The following GPC5 variants were observed in gnomAD, a reference collection of about 807,000 sequenced individuals.
The protein encoded by GPC5 is glypican-5.
GPC5 carries 47 observed loss-of-function variants against 53.9 expected under a neutral mutation model. That is an observed-to-expected ratio of 0.87 (90% confidence interval 0.69 to 1.11). The LOEUF (loss-of-function observed/expected upper bound fraction) is 1.11. Among genes scored for constraint, GPC5 ranks in the 50% most tolerant of loss-of-function variants. The probability of loss-of-function intolerance (pLI) is 0.00; values close to 1 mark genes in which losing one functional copy is unlikely to be tolerated. For missense variants in GPC5, 748 were observed against 713.1 expected (o/e 1.05, Z -0.56); for synonymous variants, 286 against 263.3 (o/e 1.09, Z -0.84).
chr13:91,497,372 C>G (rs1884330586), intron 2 of GPC5, among the ~76,000 whole-genome samples: 1 of 152,064 alleles, frequency 6.6e-6, no homozygotes, highest in Non-Finnish European at 1.5e-5. Context: ...TTAATCTGGA[C>G]TAGCAACTTT....
At chr13:91,645,590 A>G (rs994827942) in intron 2 of GPC5, among the ~76,000 whole-genome samples, 3 of 152,152 alleles carry the variant, frequency 2.0e-5, no homozygotes, top group African/African-American at 7.2e-5. Context: ...AATGACTACA[A>G]ATTTACGTAA....
chr13:91,851,493 C>A (rs926784586), intron 5 of GPC5, among the ~76,000 whole-genome samples: 1 of 147,652 alleles, frequency 6.8e-6, no homozygotes, highest in African/African-American at 2.6e-5. Context: ...ATTTAGAATA[C>A]GTTTTCTTTT....
chr13:92,705,453 C>G (rs1343902029), intron 7 of GPC5, among the ~76,000 whole-genome samples: 2 of 151,948 alleles, frequency 1.3e-5, no homozygotes, highest in Non-Finnish European at 2.9e-5. Flanking sequence ...TGAAATGTAG[C>G]TATTCCATAT....
At chr13:92,610,149 C>G (rs759862174) in intron 7 of GPC5, among the ~76,000 whole-genome samples, 2 of 150,566 alleles carry the variant, frequency 1.3e-5, no homozygotes, top group African/African-American at 2.4e-5. Context: ...GAACTTTGAA[C>G]TGACTATAAT....
chr13:91,926,963 T>C (rs1395323561), intron 6 of GPC5, among the ~76,000 whole-genome samples: 1 of 152,212 alleles, frequency 6.6e-6, no homozygotes, highest in Non-Finnish European at 1.5e-5. Context: ...GAAAACTTTA[T>C]GTTAGAATTT....
intron 6 of GPC5, among the ~76,000 whole-genome samples, chr13:92,139,815 G>GA (rs1288765243): frequency 6.6e-6 from 1 of 152,080 alleles, no homozygotes; most frequent in Non-Finnish European, 1.5e-5. Context: ...TCAGAGAAGA[G>GA]AAAACACTAT....
rs565291158 is a variant in GPC5 at position 91,977,426 on chromosome 13, A to AT, written c.1401+69375dup. On this transcript the variant is annotated intron_variant, in intron 6 of 7. Coordinates refer to ENST00000377067, the MANE Select transcript of GPC5 (RefSeq NM_004466.6). ...TTGAAGACACCCTTTTTAGACAGAT[A>AT]TTTTTTCAGCTCTGTATCTATTTTA... is the stretch of plus-strand genomic sequence containing the variant. 3.9e-5 allele frequency among the ~76,000 whole-genome samples: 6 copies of AT among 152,252 alleles called. No individual in the cohort carries two copies. The South Asian group carries it at 8.3e-4, about 21-fold the overall frequency.
In GPC5 at chr13:91,984,072, C is replaced by T. The variant is rs1594705733; in HGVS notation, c.1401+76015C>T. ...CTAGATTTGTGCTCCACCCGAACAA[C>T]ATATTTGTCAAAGTAATTTCTCTTA... On this transcript the variant is annotated intron_variant, in intron 6 of 7. Coordinates refer to ENST00000377067, the MANE Select transcript of GPC5 (RefSeq NM_004466.6). Among the ~76,000 whole-genome samples the T allele has an allele frequency of 2.6e-5, 4 of 152,226 alleles. No homozygotes were observed. In the South Asian group the frequency reaches 8.3e-4, roughly 32 times the overall value.
chr13:91,524,175 A>G (rs1267242406), intron 2 of GPC5, among the ~76,000 whole-genome samples: 1 of 152,090 alleles, frequency 6.6e-6, no homozygotes, highest in East Asian at 1.9e-4. Flanking sequence ...CAACATTTTG[A>G]CAACAAGGAA....
chr13:91,737,754 G>C (rs562846899), intron 4 of GPC5, among the ~76,000 whole-genome samples: 1 of 151,448 alleles, frequency 6.6e-6, no homozygotes, highest in East Asian at 1.9e-4. Flanking sequence ...GACAGAGGAA[G>C]AATTTAATTT....
At chr13:92,436,716 T>A (rs1287419056) in intron 7 of GPC5, among the ~76,000 whole-genome samples, 1 of 152,140 alleles carries the variant, frequency 6.6e-6, no homozygotes, top group Non-Finnish European at 1.5e-5. Context: ...AGTATTTAAT[T>A]CATATTATTA....
At chr13:91,602,252 T>G (rs1343078593) in intron 2 of GPC5, among the ~76,000 whole-genome samples, 7 of 152,226 alleles carry the variant, frequency 4.6e-5, no homozygotes, top group Non-Finnish European at 1.0e-4. Context: ...TTAGCTAATT[T>G]GTTATAGCAG....
chr13:91,702,558 A>G (rs565289509), intron 3 of GPC5, among the ~76,000 whole-genome samples: 1 of 152,128 alleles, frequency 6.6e-6, no homozygotes, highest in South Asian at 2.1e-4. Context: ...ACTTTGTAGT[A>G]TATTTTGAAG....
chr13:92,411,386 AGAT>A (rs1179592754), intron 7 of GPC5, among the ~76,000 whole-genome samples: 10 of 152,254 alleles, frequency 6.6e-5, no homozygotes, highest in Admixed American at 6.5e-4. Flanking sequence ...AAACATTTGC[AGAT>A]GATATTACTT....
intron 6 of GPC5, among the ~76,000 whole-genome samples, chr13:92,122,485 C>T (rs1460202355): frequency 1.3e-5 from 2 of 151,738 alleles, no homozygotes; most frequent in South Asian, 2.1e-4. Flanking sequence ...CTTATCCTAA[C>T]GCCTTAGAAC....
chr13:92,021,105 A>G (rs2040754280), intron 6 of GPC5, among the ~76,000 whole-genome samples: 1 of 152,184 alleles, frequency 6.6e-6, no homozygotes. Flanking sequence ...TAAAACTACC[A>G]TATGATCCAG....
At chr13:92,338,796 T>C (rs1452270530) in intron 7 of GPC5, among the ~76,000 whole-genome samples, 3 of 152,140 alleles carry the variant, frequency 2.0e-5, no homozygotes, top group East Asian at 3.9e-4. Context: ...TCATTTTGCA[T>C]AGTGCCCTAA....
intron 2 of GPC5, among the ~76,000 whole-genome samples, chr13:91,616,625 C>T (rs751358377): frequency 9.2e-5 from 14 of 151,850 alleles, no homozygotes; most frequent in Admixed American, 8.5e-4. Context: ...ATTTCAGTGT[C>T]ACTTTTAAAC....
intron 6 of GPC5, among the ~76,000 whole-genome samples, chr13:92,100,651 T>C (rs2041458981): frequency 1.3e-5 from 2 of 152,176 alleles, no homozygotes; most frequent in Admixed American, 6.5e-5. Flanking sequence ...GGATCACACA[T>C]TGCTACTTGA....
Sources: allele counts gnomAD v4.1 joint callset (sites outside exome capture counted in the v4.1 genomes callset), GRCh38; gene constraint gnomAD v4.1.1; transcripts MANE v1.5; gene names NCBI Gene and HGNC (gene_info 2026-07-23, HGNC 2026-07-21).